Variants in KIAA1217 observed in about 807,000 individuals in gnomAD.
KIAA1217 encodes sickle tail protein homolog.
A neutral mutation model predicts 163.9 loss-of-function variants in KIAA1217; 88 were observed. The observed-to-expected ratio is 0.54, with a 90% CI of 0.45 to 0.64. The LOEUF is 0.64. KIAA1217 is among the 30% of genes least tolerant of loss of function. The probability of loss-of-function intolerance (pLI) is 0.00; values close to 1 mark genes in which losing one functional copy is unlikely to be tolerated. For missense variants in KIAA1217, 2,372 were observed against 2,475.0 expected (o/e 0.96, Z 0.88); for synonymous variants, 903 against 923.1 (o/e 0.98, Z 0.39).
At chr10:23,713,190 A>G (rs1837365830) in intron 1 of KIAA1217, among the ~76,000 whole-genome samples, 1 of 152,196 alleles carries the variant, frequency 6.6e-6, no homozygotes, top group Non-Finnish European at 1.5e-5. Context: ...GTACCTGCTC[A>G]GTAGCCAGGA....
At chr10:24,508,325 G>A (rs1180845447) in intron 9 of KIAA1217, among the ~76,000 whole-genome samples, 1 of 152,162 alleles carries the variant, frequency 6.6e-6, no homozygotes, top group Non-Finnish European at 1.5e-5. Flanking sequence ...CAGCGCTCTA[G>A]AAGTAGAAGG....
chr10:24,460,416 A>T (rs1478739255), intron 5 of KIAA1217, among the ~76,000 whole-genome samples: 1 of 152,208 alleles, frequency 6.6e-6, no homozygotes, highest in East Asian at 1.9e-4. Context: ...GGCTCTTCTG[A>T]ACCCAGGAAG....
chr10:24,064,520 A>T (rs1365291041), intron 2 of KIAA1217, among the ~76,000 whole-genome samples: 2 of 152,114 alleles, frequency 1.3e-5, no homozygotes, highest in East Asian at 3.9e-4. Flanking sequence ...AAGCTTTTTG[A>T]TGTGTTGCTG....
intron 2 of KIAA1217, among the ~76,000 whole-genome samples, chr10:24,164,377 C>T (rs2065249763): frequency 6.6e-6 from 1 of 152,210 alleles, no homozygotes; most frequent in Non-Finnish European, 1.5e-5. Context: ...CTACCACACC[C>T]TATTTTACTA....
At chr10:23,910,201 G>A (rs1306417226) in intron 1 of KIAA1217, among the ~76,000 whole-genome samples, 2 of 152,022 alleles carry the variant, frequency 1.3e-5, no homozygotes, top group Non-Finnish European at 2.9e-5. Flanking sequence ...TGATGTAGAT[G>A]ATGGGTTGAT....
chr10:23,972,067 T>G (rs1322163704), intron 1 of KIAA1217, among the ~76,000 whole-genome samples: 1 of 152,190 alleles, frequency 6.6e-6, no homozygotes, highest in Non-Finnish European at 1.5e-5. Context: ...TCCCCAAATG[T>G]ATAAAACCAA....
chr10:24,456,663 A>G (rs962405661), intron 5 of KIAA1217, among the ~76,000 whole-genome samples: 1 of 151,558 alleles, frequency 6.6e-6, no homozygotes, highest in African/African-American at 2.4e-5. Context: ...CTTCCTTGAG[A>G]TGATGGTGTG....
At chr10:24,011,343 C>T (rs887123257) in intron 2 of KIAA1217, among the ~76,000 whole-genome samples, 34 of 152,042 alleles carry the variant, frequency 2.2e-4, no homozygotes, top group African/African-American at 7.9e-4. Flanking sequence ...AATAATTTAC[C>T]AGACGTTGTG....
chr10:23,797,155 T>C (rs1427242911), intron 1 of KIAA1217, among the ~76,000 whole-genome samples: 1 of 152,106 alleles, frequency 6.6e-6, no homozygotes, highest in Non-Finnish European at 1.5e-5. Context: ...ATATTGTCCA[T>C]AGTGTTATGT....
At chr10:23,815,864 G>A (rs950374587) in intron 1 of KIAA1217, among the ~76,000 whole-genome samples, 2 of 152,078 alleles carry the variant, frequency 1.3e-5, no homozygotes, top group African/African-American at 4.8e-5. Context: ...GATTCTTTTG[G>A]TGTTTGGAAA....
intron 10 of KIAA1217, among the ~76,000 whole-genome samples, chr10:24,514,959 T>C (rs1371972053): frequency 6.6e-6 from 1 of 151,604 alleles, no homozygotes; most frequent in African/African-American, 2.4e-5. Flanking sequence ...ACCACTGCAC[T>C]CCAGCCTGGG....
intron 2 of KIAA1217, among the ~76,000 whole-genome samples, chr10:24,375,620 G>A (rs2052374714): frequency 6.6e-6 from 1 of 152,244 alleles, no homozygotes; most frequent in Admixed American, 6.5e-5. Flanking sequence ...GGGCTAAAGT[G>A]TCTGAATGTC....
At chr10:24,237,957 A>G (rs1431332954) in intron 2 of KIAA1217, among the ~76,000 whole-genome samples, 2 of 152,204 alleles carry the variant, frequency 1.3e-5, no homozygotes, top group Non-Finnish European at 2.9e-5. Context: ...CAAAGCGTTT[A>G]CAATTCCCTG....
chr10:23,869,335 C>T (rs1305312983), intron 1 of KIAA1217, among the ~76,000 whole-genome samples: 4 of 151,798 alleles, frequency 2.6e-5, no homozygotes, highest in Admixed American at 2.6e-4. Flanking sequence ...TATTAGGTCT[C>T]CGCTGAAATA....
intron 12 of KIAA1217, among the ~76,000 whole-genome samples, chr10:24,522,856 T>C (rs908608849): frequency 2.6e-5 from 4 of 152,114 alleles, no homozygotes; most frequent in Non-Finnish European, 4.4e-5. Context: ...GTGCCTGTAA[T>C]CCCAGCTACT....
At chr10:24,310,429 G>C (rs1230287111) in intron 2 of KIAA1217, among the ~76,000 whole-genome samples, 1 of 152,222 alleles carries the variant, frequency 6.6e-6, no homozygotes, top group Non-Finnish European at 1.5e-5. Context: ...AAAGCCTTAG[G>C]AACAAAGATG....
chr10:23,791,702 A>T (rs1188894897), intron 1 of KIAA1217, among the ~76,000 whole-genome samples: 1 of 152,164 alleles, frequency 6.6e-6, no homozygotes, highest in East Asian at 1.9e-4. Context: ...AATTTCTGTC[A>T]TTTGTCTCCT....
intron 2 of KIAA1217, among the ~76,000 whole-genome samples, chr10:24,329,132 A>G (rs2045331212): frequency 6.8e-6 from 1 of 148,012 alleles, no homozygotes; most frequent in Admixed American, 6.8e-5. Flanking sequence ...GTGTATATAT[A>G]TACTATAAAT....
At chr10:24,353,483 T>C (rs1564524247) in intron 2 of KIAA1217, among the ~76,000 whole-genome samples, 2 of 152,222 alleles carry the variant, frequency 1.3e-5, no homozygotes, top group Non-Finnish European at 2.9e-5. Flanking sequence ...TCTTCTTAAA[T>C]GCTTTTTGAA....
Sources: allele counts gnomAD v4.1 joint callset (sites outside exome capture counted in the v4.1 genomes callset), GRCh38; gene constraint gnomAD v4.1.1; transcripts MANE v1.5; gene names NCBI Gene and HGNC (gene_info 2026-07-23, HGNC 2026-07-21).